The following TRAPPC9 variants were observed in gnomAD, a reference collection of about 807,000 sequenced individuals.
The protein encoded by TRAPPC9 is IKK2 binding protein.
TRAPPC9 carries 83 observed loss-of-function variants against 124.0 expected under a neutral mutation model. That is an observed-to-expected ratio of 0.67 (90% CI 0.56 to 0.80). The LOEUF (loss-of-function observed/expected upper bound fraction) is 0.80, where lower values mean the gene tolerates loss of function less well. Among genes scored for constraint, TRAPPC9 ranks in the 30% least tolerant of loss-of-function variants. TRAPPC9 has a pLI of 0.00. For synonymous variants in TRAPPC9, 638 were observed against 617.5 expected (o/e 1.03, Z -0.49); for missense variants, 1,302 against 1,508.3 (o/e 0.86, Z 2.27).
rs76809487 is a variant in TRAPPC9, at chr8:140,285,989, G to A, written c.1981+1619C>T. 9.8e-3 allele frequency among the ~76,000 whole-genome samples: 1,493 copies of A among 152,316 alleles called. 11 individuals are homozygous for A. The highest frequency in any genetic ancestry group is 0.017 in the Non-Finnish European group (1,161 of 68,028). ...GTGTGCCAGGCTCCACAATAGGCAC[G>A]GAGCTGCAGCTGAGCGAGACACACG... On this transcript the variant is annotated intron_variant, in intron 13 of 22. Transcript: ENST00000438773.
At chr8:140,360,407 T>C (rs1259320795) in intron 8 of TRAPPC9, among the ~76,000 whole-genome samples, 1 of 152,222 alleles carries the variant, frequency 6.6e-6, no homozygotes, top group Non-Finnish European at 1.5e-5. Context: ...CATTACACTA[T>C]AGCTTCTCTC....
intron 19 of TRAPPC9, among the ~76,000 whole-genome samples, chr8:139,967,099 C>A (rs911185421): frequency 1.3e-5 from 2 of 152,214 alleles, no homozygotes; most frequent in African/African-American, 4.8e-5. Context: ...CCCCTTCCTA[C>A]AGGATCATCC....
At chr8:140,009,251 G>T (rs1838965516) in intron 18 of TRAPPC9, among the ~76,000 whole-genome samples, 1 of 152,134 alleles carries the variant, frequency 6.6e-6, no homozygotes, top group African/African-American at 2.4e-5. Flanking sequence ...TCACTTCTGT[G>T]GTTCAAATAT....
intron 21 of TRAPPC9, among the ~76,000 whole-genome samples, chr8:139,823,609 C>T (rs1168771646): frequency 6.6e-6 from 1 of 152,104 alleles, no homozygotes; most frequent in Non-Finnish European, 1.5e-5. Context: ...GCTGCCATGC[C>T]CAGGAAGAGG....
intron 17 of TRAPPC9, among the ~76,000 whole-genome samples, chr8:140,069,595 A>G (rs771308961): frequency 6.6e-6 from 1 of 152,148 alleles, no homozygotes; most frequent in Non-Finnish European, 1.5e-5. Flanking sequence ...TGACCCCACA[A>G]TACAGCATCA....
At chr8:140,122,904 T>C (rs1241421397) in intron 17 of TRAPPC9, among the ~76,000 whole-genome samples, 2 of 152,242 alleles carry the variant, frequency 1.3e-5, no homozygotes, top group Non-Finnish European at 2.9e-5. Context: ...TCCACAGCCA[T>C]CCCGAGCACG....
intron 9 of TRAPPC9, among the ~76,000 whole-genome samples, chr8:140,312,782 C>G (rs889891307): frequency 3.2e-5 from 4 of 125,030 alleles, no homozygotes; most frequent in African/African-American, 1.2e-4. Context: ...TTTTTTGAAA[C>G]AGGATCTCAC....
At chr8:139,766,219 G>A (rs1586799436) in intron 21 of TRAPPC9, among the ~76,000 whole-genome samples, 1 of 152,348 alleles carries the variant, frequency 6.6e-6, no homozygotes, top group Middle Eastern at 3.4e-3. Flanking sequence ...CTGACGGGAT[G>A]CGTGTCCTTG....
intron 15 of TRAPPC9, among the ~76,000 whole-genome samples, chr8:140,270,315 G>A (rs974153176): frequency 1.6e-4 from 25 of 152,140 alleles, no homozygotes; most frequent in Non-Finnish European, 8.8e-5. Flanking sequence ...ATTCAAAATC[G>A]CACAGTGGTT....
intron 21 of TRAPPC9, among the ~76,000 whole-genome samples, chr8:139,787,245 G>A (rs1460022128): frequency 6.6e-6 from 1 of 152,044 alleles, no homozygotes; most frequent in East Asian, 1.9e-4. Flanking sequence ...AATTTGAGGA[G>A]GAAAAATCTC....
At chr8:140,106,290 ACAGAAAAGC>A (rs967473632) in intron 17 of TRAPPC9, among the ~76,000 whole-genome samples, 1 of 152,224 alleles carries the variant, frequency 6.6e-6, no homozygotes, top group Non-Finnish European at 1.5e-5. Flanking sequence ...ACAGTCGTTC[ACAGAAAAGC>A]CAGAAAAGTT....
At chr8:139,934,659 C>T (rs1833399322) in intron 19 of TRAPPC9, among the ~76,000 whole-genome samples, 1 of 152,202 alleles carries the variant, frequency 6.6e-6, no homozygotes, top group Admixed American at 6.5e-5. Flanking sequence ...GAGGAATCTC[C>T]AGGCTGCACA....
At chr8:139,840,243 C>T (rs1024393548) in intron 21 of TRAPPC9, among the ~76,000 whole-genome samples, 5 of 152,226 alleles carry the variant, frequency 3.3e-5, no homozygotes, top group Non-Finnish European at 7.3e-5. Flanking sequence ...AGGGAGGTGG[C>T]TTGCAATGGC....
chr8:139,760,837 C>T (rs1820172435), intron 21 of TRAPPC9, among the ~76,000 whole-genome samples: 1 of 152,200 alleles, frequency 6.6e-6, no homozygotes, highest in Admixed American at 6.5e-5. Context: ...CGGGAAAGAC[C>T]TTACCCCATA....
In TRAPPC9 at chr8:140,272,388, T is replaced by TGGC. The variant is rs1554658221; in HGVS notation, c.2278+3269_2278+3270insGCC. On this transcript the variant is annotated intron_variant, in intron 15 of 22. Transcript: ENST00000438773. The stretch of plus-strand genomic sequence containing the variant: ...GTAGTGAGGGTGGTGGTGATGATGG[T>TGGC]GATGGTGGCGATGGTGATAATGGTG... Among the ~76,000 whole-genome samples, 66 of 131,234 alleles carry TGGC rather than the reference T, an allele frequency of 5.0e-4. No individual in the cohort carries two copies. The East Asian group carries it at 0.01, about 21-fold the overall frequency. The allele number at this position is 131,234 out of a possible 152,430, so 86.1% of individuals were successfully genotyped here.
At chr8:139,955,215 G>A (rs375289380) in intron 19 of TRAPPC9, among the ~76,000 whole-genome samples, 5 of 152,124 alleles carry the variant, frequency 3.3e-5, no homozygotes, top group South Asian at 4.2e-4. Flanking sequence ...TCACCTCCCC[G>A]TTTCTGGTAA....
At chr8:140,454,581 AG>A (rs992089506) in intron 1 of TRAPPC9, among the ~76,000 whole-genome samples, 9 of 142,572 alleles carry the variant, frequency 6.3e-5, no homozygotes, top group African/African-American at 2.3e-4. Context: ...TGGGGGTTGC[AG>A]TGAGCCGAGA....
rs145941740 is a variant in TRAPPC9 at position 140,223,198 on chromosome 8, G to A, written c.2432-1615C>T. Among the ~76,000 whole-genome samples, 138 of 152,152 alleles carry A rather than the reference G, an allele frequency of 9.1e-4. 4 individuals carry two copies. The East Asian group carries it at 0.022, about 25-fold the overall frequency. ...ACTCCACCCCACAACAGGCCCCAGC[G>A]TGTGTTGTTCCCCTCCCTGTGTCCA... On this transcript the variant is annotated intron_variant, in intron 16 of 22. Transcript: ENST00000438773.
chr8:140,024,137 TCCA>T (rs1203876572), intron 17 of TRAPPC9, 58 bp from the exon 18 acceptor site: 14 of 1,599,254 alleles, frequency 8.8e-6, no homozygotes, highest in Non-Finnish European at 1.2e-5. Flanking sequence ...TCTAGTTTGA[TCCA>T]CCAGGAGGCA....
Sources: allele counts gnomAD v4.1 joint callset (sites outside exome capture counted in the v4.1 genomes callset), GRCh38; gene constraint gnomAD v4.1.1; transcripts MANE v1.5; gene names NCBI Gene and HGNC (gene_info 2026-07-23, HGNC 2026-07-21).